The following USP32 variants were observed in gnomAD, a reference collection of about 807,000 sequenced individuals.
USP32 encodes the protein ubiquitin carboxyl-terminal hydrolase 32.
In USP32, 59 loss-of-function variants were observed where a neutral mutation model predicts 204.8. The observed-to-expected ratio is 0.29, with a 90% confidence interval of 0.23 to 0.36. The LOEUF is 0.36. USP32 is among the 10% of genes least tolerant of loss of function. USP32 has a pLI of 1.00. For synonymous variants in USP32, 517 were observed against 678.4 expected, an observed-to-expected ratio of 0.76 and a Z score of 3.70; for missense variants, 1,160 against 1,946.4, an observed-to-expected ratio of 0.60 and a Z score of 7.60.
chr17:60,297,118 C>T (rs1359127026), intron 3 of USP32, among the ~76,000 whole-genome samples: 1 of 152,164 alleles, frequency 6.6e-6, no homozygotes, highest in Non-Finnish European at 1.5e-5. Context: ...GAATAAACTG[C>T]CAGGTATGGT....
chr17:60,328,361 C>G (rs75597722), intron 2 of USP32, among the ~76,000 whole-genome samples: 7 of 152,118 alleles, frequency 4.6e-5, no homozygotes, highest in African/African-American at 1.7e-4. Flanking sequence ...AGAGCTGGAC[C>G]GAGGATGGGA....
chr17:60,263,949 C>T (rs1009713795), intron 9 of USP32, among the ~76,000 whole-genome samples: 4 of 123,634 alleles, frequency 3.2e-5, no homozygotes, highest in Non-Finnish European at 7.3e-5. Flanking sequence ...CAATCTGCGA[C>T]TTGGTACATG....
intron 1 of USP32, among the ~76,000 whole-genome samples, chr17:60,391,472 C>G (rs1331041226): frequency 6.6e-6 from 1 of 152,088 alleles, no homozygotes; most frequent in Non-Finnish European, 1.5e-5. Flanking sequence ...CCAGCTAAGG[C>G]TGTTAGGAAC....
Position 60,361,762 on chromosome 17 carries a change from A to G in USP32, c.59-16154T>C, listed in dbSNP as rs148493397. The stretch of plus-strand genomic sequence containing the variant: ...AATATCCACTTATCCTGTCATTCAG[A>G]AGGTATAAATCTGGCACCCTGCTAT... On this transcript the variant is annotated intron_variant, in intron 1 of 33. Coordinates refer to ENST00000300896, the MANE Select transcript of USP32 (RefSeq NM_032582.4). Among the ~76,000 whole-genome samples the G allele has an allele frequency of 2.6e-4, 40 of 152,350 alleles. No homozygotes were observed. In the East Asian group the frequency reaches 4.6e-3, roughly 18 times the overall value.
At chr17:60,379,748 G>A (rs902963888) in intron 1 of USP32, among the ~76,000 whole-genome samples, 52 of 152,166 alleles carry the variant, frequency 3.4e-4, no homozygotes, top group Non-Finnish European at 6.2e-4. Flanking sequence ...TTCAGAAGAC[G>A]TATAAATGAG....
At chr17:60,402,208 G>C (rs1363290156) in intron 1 of USP32, among the ~76,000 whole-genome samples, 1 of 147,090 alleles carries the variant, frequency 6.8e-6, no homozygotes, top group Non-Finnish European at 1.5e-5. Context: ...TAGGGGAACA[G>C]TATTTTCTCC....
intron 9 of USP32, among the ~76,000 whole-genome samples, chr17:60,259,297 A>G (rs1485031426): frequency 2.6e-5 from 4 of 152,086 alleles, no homozygotes; most frequent in Non-Finnish European, 5.9e-5. Context: ...AGAAGTCACT[A>G]TTTTTCACTG....
chr17:60,267,499 C>CT (rs1348593900), intron 7 of USP32, among the ~76,000 whole-genome samples: 1 of 151,984 alleles, frequency 6.6e-6, no homozygotes, highest in Non-Finnish European at 1.5e-5. Context: ...TACATTCAAT[C>CT]TTTTTTTGGC....
intron 30 of USP32, among the ~76,000 whole-genome samples, chr17:60,184,499 CAG>C (rs895236211): frequency 3.9e-5 from 6 of 151,988 alleles, no homozygotes; most frequent in Non-Finnish European, 7.4e-5. Flanking sequence ...AGTAGTATGA[CAG>C]AGACATGAAT....
At chr17:60,182,680 T>C (rs1273803105) in intron 31 of USP32, among the ~76,000 whole-genome samples, 1 of 152,034 alleles carries the variant, frequency 6.6e-6, no homozygotes, top group Non-Finnish European at 1.5e-5. Flanking sequence ...GGAGGATTGA[T>C]TGACCCCAGG....
chr17:60,304,744 T>C (rs1337335901), intron 2 of USP32, among the ~76,000 whole-genome samples: 2 of 152,228 alleles, frequency 1.3e-5, no homozygotes, highest in Admixed American at 1.3e-4. Context: ...ATGTGGTATA[T>C]CTCATCTTTA....
intron 26 of USP32, among the ~76,000 whole-genome samples, chr17:60,200,937 G>A (rs942888472): frequency 7.9e-5 from 12 of 152,136 alleles, no homozygotes; most frequent in African/African-American, 2.9e-4. Flanking sequence ...TCAGCTCACT[G>A]CAACCTCCAC....
intron 7 of USP32, 99 bp downstream of exon 7, chr17:60,269,350 TA>T: frequency 1.1e-6 from 1 of 871,928 alleles, no homozygotes. Context: ...GACAAAGTTA[TA>T]AAAATTCAAG....
intron 2 of USP32, among the ~76,000 whole-genome samples, chr17:60,330,456 C>T (rs2088351733): frequency 6.7e-6 from 1 of 150,012 alleles, no homozygotes; most frequent in Non-Finnish European, 1.5e-5. Context: ...TTCTTTTCTT[C>T]CTTCCTTCCT....
At chr17:60,415,774 A>G (rs1025031882) in intron 1 of USP32, among the ~76,000 whole-genome samples, 2 of 152,154 alleles carry the variant, frequency 1.3e-5, no homozygotes, top group African/African-American at 4.8e-5. Context: ...TAATTGGATA[A>G]TTTGGAGCAA....
rs930101157 is a variant in USP32 at position 60,269,346 on chromosome 17, G to A, written c.811+104C>T. 3 of 831,016 alleles carry A rather than the reference G, an allele frequency of 3.6e-6. No individual in the cohort carries two copies. In the South Asian group the frequency reaches 5.0e-5, roughly 14 times the overall value. 51.5% of individuals were successfully genotyped at this position (831,016 alleles called of 1,614,324 possible). The stretch of plus-strand genomic sequence containing the variant: ...GATTAATATTTGTTAATCTGACAAA[G>A]TTATAAAAATTCAAGCCTTAATCCA... On this transcript the variant is annotated intron_variant, in intron 7 of 33. Transcript: ENST00000300896.
intron 1 of USP32, among the ~76,000 whole-genome samples, chr17:60,407,781 CAAAAA>C (rs750848462): frequency 2.5e-4 from 9 of 35,946 alleles, no homozygotes; most frequent in South Asian, 2.8e-3. Flanking sequence ...GCCTCTGTCT[CAAAAA>C]AAAAAAAAAA....
chr17:60,188,244 G>T (rs2084297000), intron 29 of USP32, among the ~76,000 whole-genome samples: 1 of 152,182 alleles, frequency 6.6e-6, no homozygotes, highest in African/African-American at 2.4e-5. Context: ...CAACAGGAGA[G>T]AAATGTAAAG....
At chr17:60,277,010 G>C (rs183687595) in intron 5 of USP32, among the ~76,000 whole-genome samples, 11 of 151,084 alleles carry the variant, frequency 7.3e-5, no homozygotes, top group African/African-American at 2.4e-4. Flanking sequence ...TAAATTACTA[G>C]GAAGAGGGAG....
Sources: gnomAD v4.1 joint callset for allele counts (sites outside exome capture counted in the v4.1 genomes callset) on GRCh38, gnomAD v4.1.1 for gene constraint, MANE v1.5 for transcripts, NCBI Gene and HGNC (gene_info 2026-07-23, HGNC 2026-07-21) for gene names.